Variants in MATN2 observed in about 807,000 individuals in gnomAD.
MATN2 encodes matrilin-2.
MATN2 carries 69 observed loss-of-function variants against 103.2 expected under a neutral mutation model. The observed-to-expected ratio is 0.67, with a 90% CI of 0.55 to 0.82. The LOEUF (loss-of-function observed/expected upper bound fraction) is 0.82, where lower values mean the gene tolerates loss of function less well. Ranked by LOEUF, MATN2 falls within the 40% of genes least tolerant of loss-of-function variation. MATN2 has a pLI of 0.00. For missense variants in MATN2, 1,023 were observed against 1,211.5 expected (o/e 0.84, Z 2.31); for synonymous variants, 429 against 450.2 (o/e 0.95, Z 0.60).
chr8:97,943,230 C>G lies in MATN2; in HGVS notation c.835+1331C>G, dbSNP rs571382335. Among the ~76,000 whole-genome samples the G allele has an allele frequency of 4.6e-5, 7 of 152,180 alleles. No individual in the cohort carries two copies. In the South Asian group the frequency reaches 1.0e-3, roughly 23 times the overall value. Reference sequence around the variant, plus strand: ...AACCTAGAGATCTCTTTAGACACCCCCCTCTAGACACCTCCACCTCTTCAG... The same window carrying G: ...AACCTAGAGATCTCTTTAGACACCCGCCTCTAGACACCTCCACCTCTTCAG... On this transcript the variant is annotated intron_variant, in intron 4 of 18. Transcript: ENST00000254898.
chr8:97,915,543 C>T (rs1199794115), intron 2 of MATN2, among the ~76,000 whole-genome samples: 3 of 152,202 alleles, frequency 2.0e-5, no homozygotes, highest in African/African-American at 2.4e-5. Flanking sequence ...TCCTTGTGTA[C>T]CTACACCTCC....
chr8:97,897,067 T>G (rs763463409), intron 2 of MATN2, among the ~76,000 whole-genome samples: 1 of 152,234 alleles, frequency 6.6e-6, no homozygotes, highest in African/African-American at 2.4e-5. Context: ...GATTAGGCAG[T>G]GAAGCAGGGG....
chr8:98,034,127 A>C (rs1216535450), intron 18 of MATN2: 1 of 455,504 alleles, frequency 2.2e-6, no homozygotes, highest in East Asian at 7.0e-5. Flanking sequence ...CAGTGTGTTT[A>C]GTTTCTGGAG....
chr8:97,999,421 A>T (rs1335649717), intron 7 of MATN2, among the ~76,000 whole-genome samples: 1 of 152,244 alleles, frequency 6.6e-6, no homozygotes, highest in African/African-American at 2.4e-5. Flanking sequence ...AAGAGAGTTG[A>T]CTAAAGATCA....
intron 1 of MATN2, among the ~76,000 whole-genome samples, chr8:97,876,042 A>G (rs1326375099): frequency 7.3e-6 from 1 of 137,478 alleles, no homozygotes; most frequent in African/African-American, 2.7e-5. Context: ...TTCTTTTGAG[A>G]CATGGTCTGA....
At chr8:98,003,946 C>G (rs568175727) in intron 8 of MATN2, 163 bp downstream of exon 8, 1 of 768,284 alleles carries the variant, frequency 1.3e-6, no homozygotes, top group Non-Finnish European at 2.1e-6. Context: ...TAGAATGTGA[C>G]TATTAATGCT....
chr8:98,019,730 T>C (rs2130424912), intron 12 of MATN2, among the ~76,000 whole-genome samples: 1 of 152,312 alleles, frequency 6.6e-6, no homozygotes, highest in East Asian at 1.9e-4. Context: ...ATTCCCTATT[T>C]TGGGGGGAGG....
intron 2 of MATN2, among the ~76,000 whole-genome samples, chr8:97,912,142 T>G (rs1188103651): frequency 6.6e-6 from 1 of 152,212 alleles, no homozygotes; most frequent in East Asian, 1.9e-4. Context: ...TTGAATCCAG[T>G]CGTTCAAGTC....
chr8:98,036,479 A>T lies in MATN2; in HGVS notation c.*767A>T, dbSNP rs984173535. 1.4e-4 allele frequency: 21 copies of T among 152,226 alleles called. No homozygotes were observed. The highest frequency in any genetic ancestry group is 2.4e-4 in the Non-Finnish European group (16 of 68,044). 9.4% of individuals were successfully genotyped at this position (152,226 alleles called of 1,614,324 possible). A position where few individuals can be genotyped will look rare whatever the true frequency, so the allele number is the denominator to read the frequency against. Reference sequence around the variant, plus strand: ...TAGAGTAAGTCTGTTGACATCTCATAAAACTGAAAATGCACACAACCCTGT... The same window carrying T: ...TAGAGTAAGTCTGTTGACATCTCATTAAACTGAAAATGCACACAACCCTGT... On this transcript the variant is annotated 3_prime_UTR_variant, in exon 19 of 19. Coordinates refer to ENST00000254898, the MANE Select transcript of MATN2 (RefSeq NM_002380.5).
chr8:98,029,176 G>A (rs780365941), intron 14 of MATN2, among the ~76,000 whole-genome samples: 1 of 152,132 alleles, frequency 6.6e-6, no homozygotes, highest in Non-Finnish European at 1.5e-5. Context: ...TTGATACTGC[G>A]TACCTTCCTC....
chr8:97,966,293 T>C (rs970702494), intron 5 of MATN2, among the ~76,000 whole-genome samples: 1 of 152,140 alleles, frequency 6.6e-6, no homozygotes, highest in African/African-American at 2.4e-5. Context: ...TGGTGGCTCA[T>C]GCCTGTAAAC....
chr8:97,991,694 C>G (rs1812393271), intron 6 of MATN2, among the ~76,000 whole-genome samples: 1 of 151,874 alleles, frequency 6.6e-6, no homozygotes, highest in South Asian at 2.1e-4. Context: ...TGCACTCCAC[C>G]CTGGGCAGCA....
intron 3 of MATN2, among the ~76,000 whole-genome samples, chr8:97,932,792 C>T (rs1810241607): frequency 6.6e-6 from 1 of 152,252 alleles, no homozygotes; most frequent in African/African-American, 2.4e-5. Context: ...CTGTCCCCTC[C>T]AGCTACCATG....
At chr8:97,948,723 G>A (rs528999015) in intron 4 of MATN2, among the ~76,000 whole-genome samples, 11 of 152,312 alleles carry the variant, frequency 7.2e-5, no homozygotes, top group Admixed American at 5.9e-4. Context: ...AATTGAAAAT[G>A]TATTCTAAGC....
intron 10 of MATN2, among the ~76,000 whole-genome samples, chr8:98,008,099 G>A (rs1290273066): frequency 2.6e-5 from 4 of 152,142 alleles, no homozygotes; most frequent in East Asian, 3.8e-4. Context: ...GTCAGTCCTG[G>A]GAGAAGAGGA....
At chr8:97,966,565 C>CA (rs5893441) in intron 5 of MATN2, among the ~76,000 whole-genome samples, 12,955 of 141,888 alleles carry the variant, frequency 0.091, 794 homozygotes, top group Admixed American at 0.19. Context: ...GACCTTGTCT[C>CA]AAAAAAAAAA....
chr8:97,993,592 A>G (rs761082701), intron 6 of MATN2, among the ~76,000 whole-genome samples: 1 of 152,234 alleles, frequency 6.6e-6, no homozygotes, highest in Non-Finnish European at 1.5e-5. Flanking sequence ...TTTGGTTTAA[A>G]TTAATGTATC....
chr8:97,875,987 G>A (rs1301297549), intron 1 of MATN2, among the ~76,000 whole-genome samples: 2 of 151,388 alleles, frequency 1.3e-5, no homozygotes, highest in Admixed American at 6.6e-5. Flanking sequence ...GAGCCACTGC[G>A]CCTGGCCGAG....
chr8:98,016,706 C>T, intron 11 of MATN2, 44 bp downstream of exon 11: 2 of 1,597,176 alleles, frequency 1.3e-6, no homozygotes, highest in South Asian at 1.1e-5. Context: ...TGCCAGACCA[C>T]TGTGTGAAAT....
Sources: gnomAD v4.1 joint callset for allele counts (sites outside exome capture counted in the v4.1 genomes callset) on GRCh38, gnomAD v4.1.1 for gene constraint, MANE v1.5 for transcripts, NCBI Gene and HGNC (gene_info 2026-07-23, HGNC 2026-07-21) for gene names.